Variants in TMEM131L observed in about 807,000 individuals in gnomAD.
TMEM131L encodes transmembrane 131 like.
TMEM131L carries 54 observed loss-of-function variants against 192.2 expected under a neutral mutation model. The ratio of observed to expected loss-of-function variants is 0.28; its 90% confidence interval spans 0.23 to 0.35. The LOEUF (loss-of-function observed/expected upper bound fraction) is 0.35. Ranked by LOEUF, TMEM131L falls within the 10% of genes least tolerant of loss-of-function variation. TMEM131L has a pLI of 1.00. For missense variants in TMEM131L, 1,888 were observed against 1,972.9 expected, an observed-to-expected ratio of 0.96 and a Z score of 0.82; for synonymous variants, 701 against 704.9, an observed-to-expected ratio of 0.99 and a Z score of 0.09.
At position 153,550,587 on chromosome 4, in the gene TMEM131L, A is replaced by G. The variant is rs996159025; in HGVS notation, c.308+446A>G. ...GTGATCCGCCCGCCTCGGCCTCCCA[A>G]AGTGCTGGGATTACAGGCGCGAGCC... On this transcript the variant is annotated intron_variant, in intron 4 of 34. Coordinates refer to ENST00000409959, the MANE Select transcript of TMEM131L (RefSeq NM_001131007.2). 2.0e-5 allele frequency among the ~76,000 whole-genome samples: 3 copies of G among 152,162 alleles called. No individual in the cohort carries two copies. The South Asian group carries it at 6.2e-4, about 32-fold the overall frequency.
In TMEM131L at chr4:153,581,425, G is replaced by T; in HGVS notation, c.757G>T (p.Asp253Tyr). Residue 253 changes from aspartate (D) to tyrosine (Y), a missense_variant, in exon 9 of 35, where the codon GAT becomes TAT. Transcript: ENST00000409959. ...ACCATAGGGTTGTTATCTGGAATCT[G>T]ATGATGTTTTGCGTCTACAAATGAG... is the stretch of plus-strand genomic sequence containing the variant. Reference protein sequence around the residue: ...QQLKGCYLESDDVLRLQMSIM... With the variant: ...QQLKGCYLESYDVLRLQMSIM... The T allele has an allele frequency of 6.4e-7, 1 of 1,568,510 alleles. No individual in the cohort carries two copies. The highest frequency in any genetic ancestry group is 1.2e-5 in the South Asian group (1 of 83,990).
intron 34 of TMEM131L, among the ~76,000 whole-genome samples, chr4:153,636,064 G>A (rs987447647): frequency 6.6e-6 from 1 of 152,018 alleles, no homozygotes; most frequent in African/African-American, 2.4e-5. Context: ...CCAGATAAAG[G>A]GTATTTGGCC....
At chr4:153,593,909 C>T (rs1731245930) in intron 19 of TMEM131L, 38 bp downstream of exon 19, 1 of 1,343,060 alleles carries the variant, frequency 7.4e-7, no homozygotes, top group South Asian at 1.2e-5. Flanking sequence ...AGAATGCCGA[C>T]AAACTAGACA....
intron 3 of TMEM131L, among the ~76,000 whole-genome samples, chr4:153,523,226 G>A (rs547918912): frequency 8.9e-4 from 135 of 152,282 alleles, no homozygotes; most frequent in African/African-American, 3.1e-3. Context: ...TCAGGCATTG[G>A]CAAGCCATGT....
intron 21 of TMEM131L, among the ~76,000 whole-genome samples, chr4:153,599,618 T>C (rs1731691723): frequency 6.6e-6 from 1 of 152,230 alleles, no homozygotes; most frequent in Non-Finnish European, 1.5e-5. Context: ...TTAATTTGGC[T>C]GTCAGTTACT....
At chr4:153,481,809 A>G (rs1370374219) in intron 3 of TMEM131L, among the ~76,000 whole-genome samples, 1 of 152,148 alleles carries the variant, frequency 6.6e-6, no homozygotes, top group Non-Finnish European at 1.5e-5. Flanking sequence ...AAGTGCTGGG[A>G]TTACAGGCGT....
chr4:153,529,436 C>T (rs1327816296), intron 3 of TMEM131L, among the ~76,000 whole-genome samples: 3 of 152,158 alleles, frequency 2.0e-5, no homozygotes, highest in Non-Finnish European at 2.9e-5. Context: ...TATGTTTCCA[C>T]TTACTGAAAG....
intron 31 of TMEM131L, among the ~76,000 whole-genome samples, chr4:153,630,442 T>A (rs1480857310): frequency 1.3e-5 from 2 of 152,172 alleles, no homozygotes; most frequent in Non-Finnish European, 2.9e-5. Flanking sequence ...TCTGTGTTGA[T>A]CTCTCCACTT....
chr4:153,549,613 GTTATTC>G (rs1295538830), intron 3 of TMEM131L, among the ~76,000 whole-genome samples: 1 of 152,176 alleles, frequency 6.6e-6, no homozygotes, highest in African/African-American at 2.4e-5. Flanking sequence ...GTGTATGATT[GTTATTC>G]TTATGCAGGC....
At chr4:153,607,998 G>A (rs924423196) in intron 25 of TMEM131L, among the ~76,000 whole-genome samples, 2 of 152,150 alleles carry the variant, frequency 1.3e-5, no homozygotes, top group Admixed American at 1.3e-4. Flanking sequence ...GCATGGGCCT[G>A]TGGTCCCAGC....
At chr4:153,546,963 A>G (rs913675006) in intron 3 of TMEM131L, among the ~76,000 whole-genome samples, 1 of 152,176 alleles carries the variant, frequency 6.6e-6, no homozygotes, top group Non-Finnish European at 1.5e-5. Context: ...AAACATATGC[A>G]TGTGTAAGTA....
At chr4:153,623,525 C>G (rs774929329) in intron 29 of TMEM131L, among the ~76,000 whole-genome samples, 10 of 152,328 alleles carry the variant, frequency 6.6e-5, no homozygotes, top group Middle Eastern at 3.4e-3. Flanking sequence ...TCCCTGTAAC[C>G]CCTGCTCACC....
chr4:153,613,961 A>G (rs958531127), intron 26 of TMEM131L, among the ~76,000 whole-genome samples: 2 of 152,242 alleles, frequency 1.3e-5, no homozygotes, highest in African/African-American at 4.8e-5. Flanking sequence ...TGGAAAGACA[A>G]GAGGTTTCTG....
chr4:153,467,954 G>A (rs891107663), intron 2 of TMEM131L, among the ~76,000 whole-genome samples: 4 of 152,178 alleles, frequency 2.6e-5, no homozygotes, highest in African/African-American at 9.7e-5. Context: ...TGTGAAGTGT[G>A]CACATTTAAA....
At chr4:153,636,267 T>C in intron 34 of TMEM131L, 34 bp from the exon 35 acceptor site, 1 of 1,580,868 alleles carries the variant, frequency 6.3e-7, no homozygotes, top group East Asian at 2.2e-5. Context: ...TTTTTTTCTT[T>C]TAACTTATTT....
At chr4:153,497,896 A>G (rs1447844348) in intron 3 of TMEM131L, among the ~76,000 whole-genome samples, 21 of 150,404 alleles carry the variant, frequency 1.4e-4, no homozygotes, top group Middle Eastern at 6.8e-3. Flanking sequence ...AAAAAAAAAA[A>G]AAAGAAAAGT....
At chr4:153,613,770 TAATG>T (rs1275700710) in intron 26 of TMEM131L, among the ~76,000 whole-genome samples, 1 of 152,222 alleles carries the variant, frequency 6.6e-6, no homozygotes, top group African/African-American at 2.4e-5. Context: ...GCAAAGTAAT[TAATG>T]GGAGACCCTA....
chr4:153,475,582 A>G (rs1731474009), intron 3 of TMEM131L, among the ~76,000 whole-genome samples: 1 of 152,158 alleles, frequency 6.6e-6, no homozygotes, highest in Non-Finnish European at 1.5e-5. Flanking sequence ...ACCTATCAAA[A>G]TTTGTAAAAC....
chr4:153,551,736 G>C (rs10028455), intron 4 of TMEM131L, among the ~76,000 whole-genome samples: 32,520 of 152,062 alleles, frequency 0.21, 4,998 homozygotes, highest in African/African-American at 0.4. Context: ...CTGGGAGTTT[G>C]CCGACTTTAT....
Sources: gnomAD v4.1 joint callset for allele counts (sites outside exome capture counted in the v4.1 genomes callset) on GRCh38, gnomAD v4.1.1 for gene constraint, MANE v1.5 for transcripts, NCBI Gene and HGNC (gene_info 2026-07-23, HGNC 2026-07-21) for gene names.